The following ZNF711 variants were observed in gnomAD, a reference collection of about 807,000 sequenced individuals.
ZNF711 encodes the protein zinc finger protein 711.
In ZNF711, 3 loss-of-function variants were observed where a neutral mutation model predicts 43.5. That is an observed-to-expected ratio of 0.07 (90% CI 0.03 to 0.18). The LOEUF (loss-of-function observed/expected upper bound fraction) is 0.18, where lower values mean the gene tolerates loss of function less well. Among genes scored for constraint, ZNF711 ranks in the 10% least tolerant of loss-of-function variants. ZNF711 has a pLI of 1.00. For synonymous variants in ZNF711, 209 were observed against 207.7 expected, an observed-to-expected ratio of 1.01 and a Z score of -0.06; for missense variants, 412 against 604.0, an observed-to-expected ratio of 0.68 and a Z score of 3.33.
At chrX:85,254,279 C>T (rs1408356935) in intron 4 of ZNF711, among the ~76,000 whole-genome samples, 19 of 107,119 alleles carry the variant, frequency 1.8e-4, no homozygotes, top group Admixed American at 8.0e-4. Flanking sequence ...ACCATCCTGG[C>T]GAACACGGTG....
At chrX:85,259,810 A>G (rs1930482674) in intron 5 of ZNF711, among the ~76,000 whole-genome samples, 1 of 111,273 alleles carries the variant, frequency 9.0e-6, no homozygotes, top group African/African-American at 3.3e-5. Flanking sequence ...AGGGTTTTCT[A>G]AGTATAGAAT....
chrX:85,260,092 A>G (rs906374010), intron 5 of ZNF711, among the ~76,000 whole-genome samples: 2 of 111,426 alleles, frequency 1.8e-5, no homozygotes, highest in Non-Finnish European at 3.8e-5. Flanking sequence ...GGTTTTTATC[A>G]TGAAGGGCTA....
intron 5 of ZNF711, among the ~76,000 whole-genome samples, chrX:85,263,924 GCACAGGTACAGGTTTATTA>G (rs774009365): frequency 3.0e-4 from 33 of 110,010 alleles, no homozygotes; most frequent in Non-Finnish European, 6.3e-4. Context: ...GATTTATGTT[GCACAGGTACAGGTTTATTA>G]CATGGATGTA....
chrX:85,257,142 AT>A (rs1326397306), intron 5 of ZNF711, among the ~76,000 whole-genome samples: 1 of 112,315 alleles, frequency 8.9e-6, no homozygotes, highest in Admixed American at 9.5e-5. Context: ...TAGAATAATT[AT>A]TTTGATAACT....
intron 2 of ZNF711, 47 bp from the exon 3 acceptor site, chrX:85,246,883 T>A: frequency 3.4e-6 from 1 of 296,642 alleles, no homozygotes; most frequent in Non-Finnish European, 5.9e-6. Flanking sequence ...AGATAAATAA[T>A]TTGCTAAATG....
At chrX:85,255,143 A>C in intron 4 of ZNF711, 116 bp from the exon 5 acceptor site, 2 of 723,872 alleles carry the variant, frequency 2.8e-6, no homozygotes, top group Non-Finnish European at 4.1e-6. Context: ...AAAATGATTT[A>C]TTTGGCCAAG....
At chrX:85,258,989 A>G (rs908675741) in intron 5 of ZNF711, among the ~76,000 whole-genome samples, 1 of 111,326 alleles carries the variant, frequency 9.0e-6, no homozygotes, top group Non-Finnish European at 1.9e-5. Context: ...CCCGAGGCCA[A>G]TGTCCAGAAT....
At chrX:85,253,533 C>T (rs1263106045) in intron 4 of ZNF711, among the ~76,000 whole-genome samples, 1 of 111,347 alleles carries the variant, frequency 9.0e-6, no homozygotes, top group East Asian at 2.8e-4. Flanking sequence ...TGGCATCTTA[C>T]ATAACTGTAG....
At chrX:85,251,961 G>T (rs771011170) in intron 4 of ZNF711, among the ~76,000 whole-genome samples, 1 of 111,316 alleles carries the variant, frequency 9.0e-6, no homozygotes, top group African/African-American at 3.3e-5. Flanking sequence ...GAGGATAATC[G>T]CACTCACCTT....
intron 8 of ZNF711, among the ~76,000 whole-genome samples, chrX:85,267,884 A>T (rs773628170): frequency 3.6e-5 from 4 of 111,204 alleles, no homozygotes; most frequent in Admixed American, 9.6e-5. Flanking sequence ...ATTTTATTTC[A>T]TTCCTATGTA....
intron 4 of ZNF711, among the ~76,000 whole-genome samples, chrX:85,251,410 G>A (rs1250739823): frequency 1.8e-5 from 2 of 111,461 alleles, no homozygotes; most frequent in Admixed American, 1.9e-4. Flanking sequence ...GCTACAAAAA[G>A]TCTGTGTTGT....
At chrX:85,270,581 G>T in intron 10 of ZNF711, 70 bp from the exon 11 acceptor site, 1 of 944,021 alleles carries the variant, frequency 1.1e-6, no homozygotes, top group Non-Finnish European at 1.5e-6. Flanking sequence ...AACTAGTTTT[G>T]GCACCTTTGT....
intron 1 of ZNF711, chrX:85,244,934 C>G (rs1040567912): frequency 1.2e-4 from 13 of 111,972 alleles, no homozygotes; most frequent in African/African-American, 3.9e-4. Flanking sequence ...TCATCGGTCT[C>G]TTCCTTTCTG....
chrX:85,245,654 T>G (rs777949381), intron 1 of ZNF711, among the ~76,000 whole-genome samples: 1 of 112,286 alleles, frequency 8.9e-6, no homozygotes, highest in African/African-American at 3.2e-5. Context: ...ATTTTTAAGA[T>G]GTGCTTTAGA....
intron 1 of ZNF711, among the ~76,000 whole-genome samples, chrX:85,244,449 A>G (rs1049438881): frequency 1.8e-5 from 2 of 111,468 alleles, no homozygotes; most frequent in African/African-American, 6.5e-5. Flanking sequence ...CCAGAGCCCC[A>G]GGGAGCTAGA....
At chrX:85,265,318 C>T (rs747159673) in intron 7 of ZNF711, 63 bp downstream of exon 7, 2 of 1,112,625 alleles carry the variant, frequency 1.8e-6, no homozygotes, top group Non-Finnish European at 2.5e-6. Flanking sequence ...TTTAAAAAAT[C>T]TCAGAGATAC....
At chrX:85,269,848 T>C (rs66527141) in intron 9 of ZNF711, among the ~76,000 whole-genome samples, 155 bp from the exon 10 acceptor site, 2 of 110,409 alleles carry the variant, frequency 1.8e-5, no homozygotes, top group African/African-American at 6.6e-5. Flanking sequence ...AGAACAAGAG[T>C]GAGAGAGAGA....
intron 7 of ZNF711, among the ~76,000 whole-genome samples, chrX:85,265,701 A>G (rs1483759634): frequency 9.0e-6 from 1 of 111,124 alleles, no homozygotes; most frequent in Non-Finnish European, 1.9e-5. Context: ...GATCATTCCA[A>G]TATTAAGTGT....
Position 85,271,010 on chromosome X carries a change from C to T in ZNF711, c.1606C>T (p.Leu536=). 1 of 1,211,110 alleles carries T rather than the reference C, an allele frequency of 8.3e-7. No individual in the cohort carries two copies. The highest frequency in any genetic ancestry group is 1.8e-5 in the South Asian group (1 of 56,975). ...YCDYETAEQG[L]LNRHLLAVHS... The stretch of plus-strand genomic sequence containing the variant: ...TGACTATGAAACTGCAGAACAAGGA[C>T]TGTTAAACAGGCATTTGTTGGCCGT... The change falls in exon 11 of 11, where the codon CTG becomes TTG. Residue 536 remains leucine, a synonymous_variant. Transcript: ENST00000674551.
Sources: gnomAD v4.1 joint callset for allele counts (sites outside exome capture counted in the v4.1 genomes callset) on GRCh38, gnomAD v4.1.1 for gene constraint, MANE v1.5 for transcripts, NCBI Gene and HGNC (gene_info 2026-07-23, HGNC 2026-07-21) for gene names.